The following TPD52 variants were observed in gnomAD, a reference collection of about 807,000 sequenced individuals.
The protein encoded by TPD52 is tumor protein D52, also known as prostate and colon associated protein.
TPD52 carries 17 observed loss-of-function variants against 31.3 expected under a neutral mutation model. The ratio of observed to expected loss-of-function variants is 0.54; its 90% confidence interval spans 0.37 to 0.82. The LOEUF (loss-of-function observed/expected upper bound fraction) is 0.82. TPD52 is among the 40% of genes least tolerant of loss of function. The probability of loss-of-function intolerance (pLI) is 0.00; values close to 1 mark genes in which losing one functional copy is unlikely to be tolerated. For synonymous variants in TPD52, 83 were observed against 89.6 expected (o/e 0.93, Z 0.42); for missense variants, 212 against 240.1 (o/e 0.88, Z 0.77).
chr8:80,031,340 G>C (rs1334675123), downstream of TPD52, among the ~76,000 whole-genome samples: 1 of 152,190 alleles, frequency 6.6e-6, no homozygotes, highest in Non-Finnish European at 1.5e-5. Context: ...GTGCACAATT[G>C]TATGAATCAC....
intron 2 of TPD52, among the ~76,000 whole-genome samples, chr8:80,053,668 G>A (rs1811587733): frequency 6.6e-6 from 1 of 151,828 alleles, no homozygotes; most frequent in Non-Finnish European, 1.5e-5. Context: ...AGCTGTTTTT[G>A]GCCTTCTCCT....
intron 1 of TPD52, among the ~76,000 whole-genome samples, chr8:80,144,485 T>C (rs1049820646): frequency 6.6e-6 from 1 of 152,204 alleles, no homozygotes; most frequent in Non-Finnish European, 1.5e-5. Context: ...GGCCTGTCTT[T>C]GTCACACAGC....
intron 1 of TPD52, among the ~76,000 whole-genome samples, chr8:80,066,060 C>T (rs565528202): frequency 5.9e-5 from 9 of 151,704 alleles, no homozygotes; most frequent in Non-Finnish European, 1.3e-4. Context: ...TTTCTGAGAA[C>T]TGCCAGTTCA....
intron 1 of TPD52, among the ~76,000 whole-genome samples, chr8:80,075,963 CTA>C (rs1814489331): frequency 1.3e-5 from 2 of 152,224 alleles, no homozygotes; most frequent in African/African-American, 4.8e-5. Flanking sequence ...ATGAAAAGAA[CTA>C]TGAGCTAAGG....
At chr8:80,038,743 C>G (rs917126546) in intron 7 of TPD52, among the ~76,000 whole-genome samples, 1 of 152,106 alleles carries the variant, frequency 6.6e-6, no homozygotes, top group Non-Finnish European at 1.5e-5. Context: ...TACCTGGGAG[C>G]TTATTAGAAA....
At chr8:80,115,058 G>C (rs1248081872) in intron 1 of TPD52, among the ~76,000 whole-genome samples, 1 of 152,224 alleles carries the variant, frequency 6.6e-6, no homozygotes, top group African/African-American at 2.4e-5. Context: ...TCAGACAATG[G>C]AAGGGGCCTG....
intron 1 of TPD52, among the ~76,000 whole-genome samples, chr8:80,146,809 A>G (rs1810229058): frequency 6.6e-6 from 1 of 152,244 alleles, no homozygotes; most frequent in African/African-American, 2.4e-5. Context: ...AAAGTGCTCC[A>G]TGACATGGAG....
intron 1 of TPD52, among the ~76,000 whole-genome samples, chr8:80,161,730 A>T (rs2370366): frequency 0.014 from 805 of 56,198 alleles, 4 homozygotes; most frequent in African/African-American, 0.031. Flanking sequence ...ATATATATAT[A>T]TATTTTTTTT....
At chr8:80,123,690 C>T (rs1296213013) in intron 1 of TPD52, among the ~76,000 whole-genome samples, 1 of 152,180 alleles carries the variant, frequency 6.6e-6, no homozygotes, top group African/African-American at 2.4e-5. Context: ...GCTTATAAAT[C>T]ATGAGCACAG....
At chr8:80,042,898 C>A in intron 6 of TPD52, 1 of 405,248 alleles carries the variant, frequency 2.5e-6, no homozygotes, top group Non-Finnish European at 4.4e-6. Flanking sequence ...GGGCCAGTCT[C>A]AGACATAAGT....
intron 1 of TPD52, among the ~76,000 whole-genome samples, chr8:80,106,856 C>G (rs1807163267): frequency 8.5e-6 from 1 of 117,880 alleles, no homozygotes; most frequent in Admixed American, 9.3e-5. Flanking sequence ...ACATAAATAA[C>G]CTTTTTTTTT....
chr8:80,059,359 T>C (rs545402867), intron 2 of TPD52, among the ~76,000 whole-genome samples: 37 of 151,756 alleles, frequency 2.4e-4, no homozygotes, highest in African/African-American at 5.3e-4. Flanking sequence ...AAAATCTCAA[T>C]AACCTAACTC....
rs539107768 is a variant in TPD52 at position 80,074,978 on chromosome 8, T to C, written c.20-10385A>G. Among the ~76,000 whole-genome samples, 53 of 151,866 alleles carry C rather than the reference T, an allele frequency of 3.5e-4. No homozygotes were observed. The South Asian group carries it at 0.01, about 29-fold the overall frequency. ...GTAAGGGGACAATGTCTGGGTTATT[T>C]TTTATTTTTTTTTATTTTTTGAGAT... On this transcript the variant is annotated intron_variant, in intron 1 of 7. Coordinates refer to ENST00000518937, the MANE Select transcript of TPD52 (RefSeq NM_001025253.3).
At chr8:80,071,144 G>A (rs547418028) in intron 1 of TPD52, among the ~76,000 whole-genome samples, 1 of 152,274 alleles carries the variant, frequency 6.6e-6, no homozygotes, top group African/African-American at 2.4e-5. Context: ...CAGGGAGCAA[G>A]ACCCTGCCAA....
At chr8:80,073,663 A>G (rs1418076528) in intron 1 of TPD52, among the ~76,000 whole-genome samples, 1 of 152,232 alleles carries the variant, frequency 6.6e-6, no homozygotes, top group Admixed American at 6.5e-5. Flanking sequence ...TATACAGTCA[A>G]GTTAGAAGGA....
chr8:80,125,629 T>C (rs1209025365), intron 1 of TPD52, among the ~76,000 whole-genome samples: 1 of 152,190 alleles, frequency 6.6e-6, no homozygotes, highest in Non-Finnish European at 1.5e-5. Flanking sequence ...AGGATGTGTC[T>C]TGATTATAGA....
intron 1 of TPD52, among the ~76,000 whole-genome samples, chr8:80,127,071 T>G (rs1482106666): frequency 6.6e-6 from 1 of 151,600 alleles, no homozygotes; most frequent in Non-Finnish European, 1.5e-5. Flanking sequence ...ATCATGCCAC[T>G]GTATTCTAGA....
At chr8:80,169,387 G>C (rs949924639) in intron 1 of TPD52, among the ~76,000 whole-genome samples, 5 of 152,034 alleles carry the variant, frequency 3.3e-5, no homozygotes, top group African/African-American at 1.2e-4. Flanking sequence ...CTCACCCAAA[G>C]AACATATGGG....
In TPD52 at chr8:80,158,943, C is replaced by CAAAAA. The variant is rs57625062; in HGVS notation, c.19+12477_19+12481dup. The CAAAAA allele has an allele frequency of 1.2e-3, 89 of 76,326 alleles. 1 individual carries two copies. The highest frequency in any genetic ancestry group is 4.6e-3 in the African/African-American group (88 of 19,206). 4.7% of individuals were successfully genotyped at this position (76,326 alleles called of 1,614,324 possible). A position where few individuals can be genotyped will look rare whatever the true frequency, so the allele number is the denominator to read the frequency against. On this transcript the variant is annotated intron_variant, in intron 1 of 7. Transcript: ENST00000518937. The stretch of plus-strand genomic sequence containing the variant: ...TGGGCGACAGAGCGAGACTCCGTCT[C>CAAAAA]AAAAAAAAAAAAAAAAAAAAAAAAA...
Sources: gnomAD v4.1 joint callset for allele counts (sites outside exome capture counted in the v4.1 genomes callset) on GRCh38, gnomAD v4.1.1 for gene constraint, MANE v1.5 for transcripts, NCBI Gene and HGNC (gene_info 2026-07-23, HGNC 2026-07-21) for gene names.